SOS2: variants seen among roughly 807,000 people sequenced by gnomAD.
The protein encoded by SOS2 is SOS Ras/Rho guanine nucleotide exchange factor 2.
A neutral mutation model predicts 148.2 loss-of-function variants in SOS2; 65 were observed. The ratio of observed to expected loss-of-function variants is 0.44; its 90% confidence interval spans 0.36 to 0.54. The LOEUF is 0.54. Ranked by LOEUF, SOS2 falls within the 20% of genes least tolerant of loss-of-function variation. The probability of loss-of-function intolerance (pLI) is 0.00; values close to 1 mark genes in which losing one functional copy is unlikely to be tolerated. For missense variants in SOS2, 1,341 were observed against 1,590.2 expected (o/e 0.84, Z 2.67); for synonymous variants, 539 against 537.1 (o/e 1.00, Z -0.05).
At chr14:50,137,549 CTAATGTT>C (rs1386555159) in intron 18 of SOS2, among the ~76,000 whole-genome samples, 1 of 152,212 alleles carries the variant, frequency 6.6e-6, no homozygotes, top group East Asian at 1.9e-4. Context: ...TGTAGAATGT[CTAATGTT>C]TAACATGCTA....
intron 14 of SOS2, among the ~76,000 whole-genome samples, chr14:50,148,307 G>A (rs966567172): frequency 1.3e-5 from 2 of 151,864 alleles, no homozygotes; most frequent in African/African-American, 4.8e-5. Context: ...CTACTCGGGA[G>A]GTTGAGGCAT....
At chr14:50,215,961 T>C (rs926494052) in intron 1 of SOS2, among the ~76,000 whole-genome samples, 1 of 152,236 alleles carries the variant, frequency 6.6e-6, no homozygotes, top group African/African-American at 2.4e-5. Context: ...TAAATCCTTT[T>C]GGATATAGAG....
chr14:50,127,865 T>C (rs1404806222), intron 21 of SOS2, among the ~76,000 whole-genome samples: 2 of 152,310 alleles, frequency 1.3e-5, no homozygotes, highest in Non-Finnish European at 2.9e-5. Flanking sequence ...ATTAGACTTT[T>C]CAGCAGGAAT....
chr14:50,205,870 A>T (rs1886641938), intron 1 of SOS2, among the ~76,000 whole-genome samples: 1 of 151,306 alleles, frequency 6.6e-6, no homozygotes, highest in Non-Finnish European at 1.5e-5. Flanking sequence ...CAGTGAGCAG[A>T]GATCGCACCA....
chr14:50,126,140 A>G (rs1883673093), intron 21 of SOS2, among the ~76,000 whole-genome samples: 1 of 152,228 alleles, frequency 6.6e-6, no homozygotes, highest in Admixed American at 6.5e-5. Context: ...AAGAAAGGAA[A>G]GCCTCCAATA....
intron 7 of SOS2, among the ~76,000 whole-genome samples, chr14:50,175,497 T>C (rs1231598470): frequency 1.3e-5 from 2 of 149,646 alleles, no homozygotes; most frequent in Non-Finnish European, 3.0e-5. Context: ...CAATGCATAA[T>C]GGGAAATACA....
chr14:50,170,576 C>T (rs989197937), intron 8 of SOS2, among the ~76,000 whole-genome samples: 2 of 151,982 alleles, frequency 1.3e-5, no homozygotes, highest in East Asian at 1.9e-4. Flanking sequence ...GTCCTAGCTA[C>T]GTGGGAGGGT....
In SOS2 at chr14:50,118,609, T is replaced by A. The variant is rs1883393408; in HGVS notation, c.3734A>T (p.Asp1245Val). The A allele has an allele frequency of 5.6e-6, 9 of 1,614,036 alleles. No homozygotes were observed. In the East Asian group the frequency reaches 2.0e-4, roughly 36 times the overall value. The change falls in exon 23 of 23, where the codon GAT (aspartate) becomes GTT (valine). Residue 1245 changes from aspartate to valine, a missense_variant. Asp to Val is a radical substitution (Grantham distance 152). Coordinates refer to ENST00000216373, the MANE Select transcript of SOS2 (RefSeq NM_006939.4). Reference protein sequence around the residue: ...QPPPLGHLHRDSDWLRDISTC... With the variant: ...QPPPLGHLHRVSDWLRDISTC... ...ACTAATGTCTCTGAGCCAGTCTGAA[T>A]CTCTGTGAAGATGCCCCAGTGGAGG...
chr14:50,199,651 T>A (rs372318054), intron 4 of SOS2, 40 bp downstream of exon 4: 15 of 1,227,026 alleles, frequency 1.2e-5, no homozygotes, highest in Non-Finnish European at 1.6e-5. Flanking sequence ...ATTAGTATAG[T>A]TGCTATTCAA....
At chr14:50,192,113 C>A (rs1188917390) in intron 4 of SOS2, among the ~76,000 whole-genome samples, 1 of 135,734 alleles carries the variant, frequency 7.4e-6, no homozygotes. Flanking sequence ...GTTCACACCA[C>A]CGTACTCCGG....
intron 16 of SOS2, 45 bp from the exon 17 acceptor site, chr14:50,140,104 C>A (rs377498041): frequency 2.1e-6 from 2 of 951,990 alleles, no homozygotes; most frequent in Admixed American, 2.2e-5. Context: ...ACAATTCAAT[C>A]ATATTTTATA....
intron 1 of SOS2, among the ~76,000 whole-genome samples, chr14:50,223,882 A>G (rs1428403668): frequency 1.3e-5 from 2 of 152,098 alleles, no homozygotes; most frequent in East Asian, 3.9e-4. Context: ...CATGTTTAAG[A>G]AAGAGGTCTG....
At chr14:50,174,832 C>T (rs1390139772) in intron 7 of SOS2, among the ~76,000 whole-genome samples, 1 of 152,110 alleles carries the variant, frequency 6.6e-6, no homozygotes, top group African/African-American at 2.4e-5. Context: ...TCCATATACC[C>T]TAAAGGAATT....
At chr14:50,181,445 G>C (rs1248572975) in intron 6 of SOS2, among the ~76,000 whole-genome samples, 7 of 33,756 alleles carry the variant, frequency 2.1e-4, no homozygotes, top group Non-Finnish European at 3.5e-4. Context: ...GAGACTCCAT[G>C]TCAAAAAAAA....
Position 50,218,438 on chromosome 14 carries a change from G to A in SOS2, c.87+12759C>T, listed in dbSNP as rs142567880. ...CTTGGGAGGCTGAGGTGAAAGAATC[G>A]CTCGAACCCGGAAGGCGGAGGGTGC... On this transcript the variant is annotated intron_variant, in intron 1 of 22. Transcript: ENST00000216373. Among the ~76,000 whole-genome samples, 948 of 151,762 alleles carry A rather than the reference G, an allele frequency of 6.2e-3. 5 individuals carry two copies. The highest frequency in any genetic ancestry group is 0.011 in the Admixed American group (163 of 15,244).
chr14:50,145,102 G>A (rs1594969780), intron 16 of SOS2, 68 bp downstream of exon 16: 10 of 811,632 alleles, frequency 1.2e-5, no homozygotes, highest in Non-Finnish European at 1.8e-5. Context: ...ACAGATGATA[G>A]ATGAAATTTC....
In SOS2 at chr14:50,145,525, A is replaced by G; in HGVS notation, c.2456T>C (p.Leu819Ser). The G allele has an allele frequency of 6.2e-7, 1 of 1,609,948 alleles. No homozygotes were observed. The highest frequency in any genetic ancestry group is 8.5e-7 in the Non-Finnish European group (1 of 1,177,458). Residue 819 changes from leucine to serine, a missense_variant, in exon 15 of 23, where the codon TTA (leucine) becomes TCA (serine). By Grantham distance (145) the Leu-to-Ser change is moderately radical. Around this residue, in one of 4 missense-constraint regions of SOS2, gnomAD observed 408 missense variants for 506.6 expected, o/e 0.81. Transcript: ENST00000216373. ...KEDKEINSPN[L>S]LKMIRHTTNL... ...TGTGGTATGGCGAATCATTTTTAAT[A>G]AATTTGGAGAATTTATTTCTTTATC...
intron 21 of SOS2, among the ~76,000 whole-genome samples, chr14:50,128,686 G>A (rs755165653): frequency 1.8e-4 from 28 of 152,322 alleles, no homozygotes; most frequent in Non-Finnish European, 3.2e-4. Flanking sequence ...AAGGAGTGGG[G>A]AGACTTGAGG....
chr14:50,132,664 AAAAAC>A (rs1028291741), intron 19 of SOS2, among the ~76,000 whole-genome samples: 1 of 152,148 alleles, frequency 6.6e-6, no homozygotes, highest in African/African-American at 2.4e-5. Flanking sequence ...CTGTCTCAAA[AAAAAC>A]AAAACAAAAA....
Sources: allele counts gnomAD v4.1 joint callset (sites outside exome capture counted in the v4.1 genomes callset), GRCh38; gene constraint gnomAD v4.1.1; regional missense constraint gnomAD v4.1.1; transcripts MANE v1.5; gene names NCBI Gene and HGNC (gene_info 2026-07-23, HGNC 2026-07-21).